Variants in MCF2L2 observed in about 807,000 individuals in gnomAD.
MCF2L2 encodes MCF.2 cell line derived transforming sequence-like 2.
Under a neutral mutation model 150.2 loss-of-function variants are expected in MCF2L2, and 102 were observed. The ratio of observed to expected loss-of-function variants is 0.68; its 90% CI spans 0.58 to 0.80. The LOEUF (loss-of-function observed/expected upper bound fraction) is 0.80. MCF2L2 is among the 30% of genes least tolerant of loss of function. The pLI is 0.00. For missense variants in MCF2L2, 1,256 were observed against 1,372.8 expected (o/e 0.91, Z 1.34); for synonymous variants, 465 against 491.3 (o/e 0.95, Z 0.71).
intron 5 of MCF2L2, among the ~76,000 whole-genome samples, chr3:183,335,031 T>C (rs9858932): frequency 0.26 from 38,865 of 150,376 alleles, 7,188 homozygotes; most frequent in African/African-American, 0.53. Context: ...GGTGGGTGGA[T>C]ACATTGAGCC....
intron 2 of MCF2L2, among the ~76,000 whole-genome samples, chr3:183,387,264 CAA>C (rs112807324): frequency 3.8e-4 from 32 of 84,332 alleles, no homozygotes; most frequent in Admixed American, 5.4e-4. Context: ...CACCATGTCT[CAA>C]AAAAAAAAAA....
chr3:183,426,582 G>A (rs1716177250), intron 1 of MCF2L2, among the ~76,000 whole-genome samples: 2 of 152,110 alleles, frequency 1.3e-5, no homozygotes, highest in Admixed American at 1.3e-4. Flanking sequence ...AAATCCAGAC[G>A]GTCACACCCC....
At chr3:183,289,849 C>A (rs924714764) in intron 13 of MCF2L2, among the ~76,000 whole-genome samples, 1 of 152,184 alleles carries the variant, frequency 6.6e-6, no homozygotes, top group Non-Finnish European at 1.5e-5. Flanking sequence ...GAGCTAGACT[C>A]CATCTCAAAC....
At chr3:183,229,057 A>T (rs1271722988) in intron 17 of MCF2L2, among the ~76,000 whole-genome samples, 1 of 152,204 alleles carries the variant, frequency 6.6e-6, no homozygotes, top group Non-Finnish European at 1.5e-5. Flanking sequence ...TCAATTCACC[A>T]AGCAGCTTTT....
intron 2 of MCF2L2, among the ~76,000 whole-genome samples, chr3:183,379,816 C>T (rs1420177543): frequency 6.6e-6 from 1 of 151,962 alleles, no homozygotes; most frequent in Non-Finnish European, 1.5e-5. Context: ...TCTGCTTTGC[C>T]ACATTGTTGC....
At chr3:183,290,748 G>A (rs532089135) in intron 13 of MCF2L2, among the ~76,000 whole-genome samples, 1 of 152,154 alleles carries the variant, frequency 6.6e-6, no homozygotes, top group African/African-American at 2.4e-5. Context: ...TGGACAGGAT[G>A]GTCTTACTCT....
intron 2 of MCF2L2, among the ~76,000 whole-genome samples, chr3:183,385,877 C>G (rs1479270803): frequency 1.3e-5 from 2 of 152,148 alleles, no homozygotes; most frequent in Admixed American, 1.3e-4. Context: ...ACAAACAGAA[C>G]CAAAGAAGCC....
intron 26 of MCF2L2, 148 bp downstream of exon 26, chr3:183,195,074 C>A: frequency 2.9e-6 from 2 of 679,968 alleles, no homozygotes; most frequent in Non-Finnish European, 4.9e-6. Flanking sequence ...TGAGCCACTG[C>A]GCCCAGCCAA....
intron 9 of MCF2L2, chr3:183,310,648 G>T: frequency 2.6e-6 from 1 of 385,320 alleles, no homozygotes; most frequent in Non-Finnish European, 4.8e-6. Flanking sequence ...GAGTGACAGA[G>T]CAAGACCCTG....
intron 1 of MCF2L2, among the ~76,000 whole-genome samples, chr3:183,421,935 G>A (rs998506621): frequency 6.6e-6 from 1 of 152,128 alleles, no homozygotes; most frequent in South Asian, 2.1e-4. Context: ...GTCTGTGTGG[G>A]TTTAACAGAG....
At chr3:183,255,282 AG>A (rs1272258018) in intron 15 of MCF2L2, among the ~76,000 whole-genome samples, 1 of 152,242 alleles carries the variant, frequency 6.6e-6, no homozygotes, top group Non-Finnish European at 1.5e-5. Context: ...AAGGGTGATT[AG>A]TGATCAGCAG....
chr3:183,323,636 A>G (rs114265825), intron 5 of MCF2L2, among the ~76,000 whole-genome samples: 3 of 151,494 alleles, frequency 2.0e-5, no homozygotes, highest in African/African-American at 4.9e-5. Flanking sequence ...TAGAAAAAAA[A>G]TAAAAAAAAA....
chr3:183,265,855 A>T (rs1726066259), intron 15 of MCF2L2: 1 of 152,226 alleles, frequency 6.6e-6, no homozygotes, highest in African/African-American at 2.4e-5. Context: ...TGGCTAAAAA[A>T]TTCAAACTAC....
chr3:183,400,365 T>G (rs1474095453), intron 1 of MCF2L2: 1 of 454,678 alleles, frequency 2.2e-6, no homozygotes, highest in Non-Finnish European at 4.4e-6. Context: ...TTTTGCCATA[T>G]ATTCCAGCCT....
intron 10 of MCF2L2, 123 bp downstream of exon 10, chr3:183,309,593 C>T: frequency 1.6e-6 from 2 of 1,257,580 alleles, no homozygotes; most frequent in Non-Finnish European, 2.3e-6. Flanking sequence ...CCTGGGGTGA[C>T]TGAAGGGCAG....
At chr3:183,252,267 G>C (rs572662606) in intron 15 of MCF2L2, among the ~76,000 whole-genome samples, 28 of 152,102 alleles carry the variant, frequency 1.8e-4, no homozygotes, top group Non-Finnish European at 4.0e-4. Context: ...CATTAGTGCT[G>C]TATTAACAAT....
chr3:183,195,158 T>G, intron 26 of MCF2L2, 64 bp downstream of exon 26: 1 of 1,256,684 alleles, frequency 8.0e-7, no homozygotes, highest in Non-Finnish European at 1.1e-6. Flanking sequence ...AGCAATGACA[T>G]GGACTCAATA....
At chr3:183,416,892 G>A (rs375614541) in intron 1 of MCF2L2, among the ~76,000 whole-genome samples, 170 of 151,768 alleles carry the variant, frequency 1.1e-3, no homozygotes, top group African/African-American at 4.0e-3. Context: ...GGTGGATCAC[G>A]AGGTCAGGAG....
At chr3:183,413,086 G>C (rs150588579) in intron 1 of MCF2L2, among the ~76,000 whole-genome samples, 1 of 152,110 alleles carries the variant, frequency 6.6e-6, no homozygotes, top group East Asian at 1.9e-4. Flanking sequence ...CTTGATCATG[G>C]TGTATAATCT....
Sources: gnomAD v4.1 joint callset for allele counts (sites outside exome capture counted in the v4.1 genomes callset) on GRCh38, gnomAD v4.1.1 for gene constraint, MANE v1.5 for transcripts, NCBI Gene and HGNC (gene_info 2026-07-23, HGNC 2026-07-21) for gene names.